GNAL: variants seen among roughly 807,000 people sequenced by gnomAD.
GNAL encodes G protein subunit alpha L.
GNAL carries 18 observed loss-of-function variants against 55.1 expected under a neutral mutation model. That is an observed-to-expected ratio of 0.33 (90% CI 0.23 to 0.48). The LOEUF (loss-of-function observed/expected upper bound fraction) is 0.48, where lower values mean the gene tolerates loss of function less well. Ranked by LOEUF, GNAL falls within the 20% of genes least tolerant of loss-of-function variation. The pLI is 0.99. For synonymous variants in GNAL, 253 were observed against 237.0 expected (o/e 1.07, Z -0.62); for missense variants, 412 against 614.1 (o/e 0.67, Z 3.48).
chr18:11,744,867 T>C (rs116590810), intron 1 of GNAL, among the ~76,000 whole-genome samples: 201 of 152,284 alleles, frequency 1.3e-3, no homozygotes, highest in African/African-American at 4.5e-3. Context: ...CATCCCACCA[T>C]GCCCGGTTAA....
At chr18:11,694,240 C>G (rs1374326179) in intron 1 of GNAL, among the ~76,000 whole-genome samples, 1 of 152,092 alleles carries the variant, frequency 6.6e-6, no homozygotes, top group Non-Finnish European at 1.5e-5. Context: ...CCATAGTCCT[C>G]TAGTGGAAAT....
chr18:11,820,023 AGAAGT>A (rs1379263222), intron 4 of GNAL, among the ~76,000 whole-genome samples: 4 of 152,312 alleles, frequency 2.6e-5, no homozygotes, highest in Non-Finnish European at 4.4e-5. Flanking sequence ...AAATTGTGGA[AGAAGT>A]GACTACAAAT....
chr18:11,755,589 T>A (rs889405310), intron 4 of GNAL, among the ~76,000 whole-genome samples: 10 of 152,218 alleles, frequency 6.6e-5, no homozygotes, highest in Non-Finnish European at 1.5e-4. Flanking sequence ...ATAACTTTTT[T>A]AAAAAGCTTT....
At chr18:11,808,940 C>A (rs1421296033) in intron 4 of GNAL, among the ~76,000 whole-genome samples, 1 of 152,188 alleles carries the variant, frequency 6.6e-6, no homozygotes, top group East Asian at 1.9e-4. Flanking sequence ...TAGGAAACGT[C>A]CAGCATAGGC....
intron 1 of GNAL, among the ~76,000 whole-genome samples, chr18:11,726,590 C>T (rs1206371480): frequency 6.6e-6 from 1 of 152,190 alleles, no homozygotes; most frequent in Non-Finnish European, 1.5e-5. Flanking sequence ...CTGGGATCTT[C>T]TGATCCACTG....
chr18:11,872,174 C>T (rs986179692), intron 9 of GNAL, 94 bp from the exon 10 acceptor site: 15 of 737,652 alleles, frequency 2.0e-5, no homozygotes, highest in Admixed American at 8.0e-5. Context: ...TTTAGGAAGA[C>T]GATGGTATTC....
chr18:11,795,073 C>T (rs184547338), intron 4 of GNAL, among the ~76,000 whole-genome samples: 529 of 152,124 alleles, frequency 3.5e-3, no homozygotes, highest in Non-Finnish European at 6.2e-3. Context: ...GAACTGCTGA[C>T]CTCAGGTGAT....
chr18:11,819,731 A>G, intron 4 of GNAL, among the ~76,000 whole-genome samples: 1 of 152,050 alleles, frequency 6.6e-6, no homozygotes, highest in South Asian at 2.1e-4. Flanking sequence ...CCCTGAAATT[A>G]TTTTTATTTA....
chr18:11,833,036 A>G (rs1263811464), intron 5 of GNAL, among the ~76,000 whole-genome samples: 1 of 149,434 alleles, frequency 6.7e-6, no homozygotes, highest in East Asian at 1.9e-4. Flanking sequence ...AGCCAAATTT[A>G]TTTTCAGATT....
intron 1 of GNAL, among the ~76,000 whole-genome samples, chr18:11,743,326 A>AAC (rs1051983476): frequency 6.6e-6 from 1 of 152,048 alleles, no homozygotes; most frequent in Non-Finnish European, 1.5e-5. Flanking sequence ...AAAAAAAAAA[A>AAC]AAAACCACCA....
chr18:11,862,550 A>G, intron 6 of GNAL, 101 bp downstream of exon 6: 3 of 1,041,820 alleles, frequency 2.9e-6, no homozygotes, highest in South Asian at 2.6e-5. Context: ...AAAAATCCTT[A>G]AGATACCTAC....
intron 4 of GNAL, among the ~76,000 whole-genome samples, chr18:11,763,439 T>C (rs1263110707): frequency 6.6e-6 from 1 of 151,670 alleles, no homozygotes; most frequent in African/African-American, 2.4e-5. Flanking sequence ...TTGAACAGAG[T>C]CTCGCTCTGT....
At chr18:11,753,760 A>G (rs1042482502) in intron 3 of GNAL, 66 bp from the exon 4 acceptor site, 4 of 1,479,102 alleles carry the variant, frequency 2.7e-6, no homozygotes, top group Admixed American at 1.7e-5. Context: ...CAGAAATTAC[A>G]TATTGTAGAT....
intron 1 of GNAL, among the ~76,000 whole-genome samples, chr18:11,713,765 C>T (rs754605283): frequency 6.6e-6 from 1 of 152,146 alleles, no homozygotes; most frequent in Non-Finnish European, 1.5e-5. Flanking sequence ...CTACCTCTGG[C>T]CGGTCACTGA....
In GNAL at chr18:11,689,536, C is replaced by T; in HGVS notation, c.-28C>T. ...CGGCGCCCAGCCTGCCCTAGTCCCG[C>T]GCGCCGCCCCCGCTGTGCCGCGCCC... On this transcript the variant is annotated 5_prime_UTR_variant, in exon 1 of 12. Transcript: ENST00000334049. 2 of 1,139,198 alleles carry T rather than the reference C, an allele frequency of 1.8e-6. No individual in the cohort carries two copies. The highest frequency in any genetic ancestry group is 2.2e-6 in the Non-Finnish European group (2 of 900,146). The allele number at this position is 1,139,198 out of a possible 1,614,324, so 70.6% of individuals were successfully genotyped here.
chr18:11,789,709 GCTACCAGAATCTGGAGATGCT>G (rs2034175318), intron 4 of GNAL, among the ~76,000 whole-genome samples: 1 of 152,168 alleles, frequency 6.6e-6, no homozygotes, highest in African/African-American at 2.4e-5. Flanking sequence ...CTTAGCATTT[GCTACCAGAATCTGGAGATGCT>G]CTTAGGTGGA....
intron 4 of GNAL, among the ~76,000 whole-genome samples, chr18:11,806,254 A>G (rs149872387): frequency 2.1e-3 from 315 of 152,342 alleles, no homozygotes; most frequent in African/African-American, 7.1e-3. Context: ...CCCCTGTCAG[A>G]TGCAGAGTTT....
chr18:11,834,766 C>T (rs1464449872), intron 5 of GNAL, among the ~76,000 whole-genome samples: 7 of 152,204 alleles, frequency 4.6e-5, no homozygotes, highest in Admixed American at 3.9e-4. Flanking sequence ...TTAACAGTCT[C>T]TAACAGCTCT....
intron 1 of GNAL, among the ~76,000 whole-genome samples, chr18:11,734,703 C>G (rs1180355287): frequency 6.6e-6 from 1 of 151,322 alleles, no homozygotes; most frequent in East Asian, 1.9e-4. Flanking sequence ...AGATCCTAAG[C>G]AGGACCACTG....
Sources: allele counts gnomAD v4.1 joint callset (sites outside exome capture counted in the v4.1 genomes callset), GRCh38; gene constraint gnomAD v4.1.1; transcripts MANE v1.5; gene names NCBI Gene and HGNC (gene_info 2026-07-23, HGNC 2026-07-21).